OSBPL3: variants seen among roughly 807,000 people sequenced by gnomAD.
The protein encoded by OSBPL3 is oxysterol binding protein like 3.
OSBPL3 carries 65 observed loss-of-function variants against 120.1 expected under a neutral mutation model. The ratio of observed to expected loss-of-function variants is 0.54; its 90% confidence interval spans 0.44 to 0.67. The LOEUF (loss-of-function observed/expected upper bound fraction) is 0.67, where lower values mean the gene tolerates loss of function less well. OSBPL3 is among the 30% of genes least tolerant of loss of function. The pLI is 0.00. For synonymous variants in OSBPL3, 416 were observed against 402.6 expected (o/e 1.03, Z -0.40); for missense variants, 1,004 against 1,082.1 (o/e 0.93, Z 1.01).
intron 1 of OSBPL3, among the ~76,000 whole-genome samples, chr7:24,962,041 A>C (rs1196040532): frequency 6.6e-6 from 1 of 152,070 alleles, no homozygotes; most frequent in Non-Finnish European, 1.5e-5. Context: ...AGTGGCTCAC[A>C]CCTGTAATTC....
chr7:24,971,187 C>G (rs1816980699), intron 1 of OSBPL3, among the ~76,000 whole-genome samples: 1 of 152,238 alleles, frequency 6.6e-6, no homozygotes, highest in South Asian at 2.1e-4. Flanking sequence ...GGTCTCTAAT[C>G]AAGGGCTTGG....
At chr7:24,861,120 A>G (rs1800466615) in intron 10 of OSBPL3, among the ~76,000 whole-genome samples, 1 of 152,196 alleles carries the variant, frequency 6.6e-6, no homozygotes, top group Admixed American at 6.5e-5. Flanking sequence ...TGGCTCTTCT[A>G]ATAGGTGTGT....
Position 24,852,739 on chromosome 7 carries a change from C to T in OSBPL3, c.1028-105G>A. On this transcript the variant is annotated intron_variant, in intron 10 of 22. Coordinates refer to ENST00000313367, the MANE Select transcript of OSBPL3 (RefSeq NM_015550.4). This position sits in a 1 kb window ranked among gnomAD's most constrained non-coding sequence, Gnocchi z 4.1. Reference sequence around the variant, plus strand: ...AAAAGAAACAAGCAAAGTAACAGCCCTGAATATTTTGAGTATAGCAAATGT... The same window carrying T: ...AAAAGAAACAAGCAAAGTAACAGCCTTGAATATTTTGAGTATAGCAAATGT... 8 of 751,786 alleles carry T rather than the reference C, an allele frequency of 1.1e-5. No individual in the cohort carries two copies. The South Asian group carries it at 1.8e-4, about 17-fold the overall frequency. 46.6% of individuals were successfully genotyped at this position (751,786 alleles called of 1,614,324 possible).
At chr7:24,856,865 C>T (rs1001798545) in intron 10 of OSBPL3, among the ~76,000 whole-genome samples, 12 of 152,184 alleles carry the variant, frequency 7.9e-5, no homozygotes, top group Non-Finnish European at 1.3e-4. Flanking sequence ...CAGTTTCAAA[C>T]CTCACAGGAT....
chr7:24,852,600 C>CA lies in OSBPL3; in HGVS notation c.1061dup (p.Met354IlefsTer42). On this transcript the variant is annotated frameshift_variant, in exon 11 of 23. Coordinates refer to ENST00000313367, the MANE Select transcript of OSBPL3 (RefSeq NM_015550.4). LOFTEE classifies it high-confidence loss of function. The surrounding 1 kb of genome is among the most constrained non-coding windows in gnomAD (Gnocchi z 4.1). ...GCTTCAGTTTCTCTCTCTCCGCTGA[C>CA]ATGATATTAAAAGCTGACCTTAAAG... is the stretch of plus-strand genomic sequence containing the variant. 1.2e-6 allele frequency: 2 copies of CA among 1,606,834 alleles called. No homozygotes were observed. Among genetic ancestry groups the CA allele is most frequent in the Non-Finnish European group, 1.7e-6 (2 of 1,177,500 alleles).
Position 24,799,096 on chromosome 7 carries a change from A to C in OSBPL3, c.*1087T>G, listed in dbSNP as rs189836100. The C allele has an allele frequency of 2.6e-5, 4 of 152,816 alleles. No homozygotes were observed. The East Asian group carries it at 7.7e-4, about 29-fold the overall frequency. 9.5% of individuals were successfully genotyped at this position (152,816 alleles called of 1,614,324 possible). A position where few individuals can be genotyped will look rare whatever the true frequency, so the allele number is the denominator to read the frequency against. ...GCTTTACCAGAACACAACACAAAGC[A>C]AGAACATCAATTCTCTACATTTGTC... On this transcript the variant is annotated 3_prime_UTR_variant, in exon 23 of 23. Transcript: ENST00000313367. The surrounding 1 kb of genome is among the most constrained non-coding windows in gnomAD (Gnocchi z 5.3).
In OSBPL3 at chr7:24,959,242, A is replaced by C. The variant is rs1014381400; in HGVS notation, c.-150+20644T>G. Among the ~76,000 whole-genome samples, 1 of 152,074 alleles carries C rather than the reference A, an allele frequency of 6.6e-6. No individual in the cohort carries two copies. The highest frequency in any genetic ancestry group is 1.5e-5 in the Non-Finnish European group (1 of 67,986). ...ACTCCTTGGTATATACTCAATAAAA[A>C]CGCACACATTTGTTCACCAAAAGTT... On this transcript the variant is annotated intron_variant, in intron 1 of 22. Transcript: ENST00000313367. This position sits in a 1 kb window ranked among gnomAD's most constrained non-coding sequence, Gnocchi z 4.3.
chr7:24,975,342 G>C (rs376474797), intron 1 of OSBPL3, among the ~76,000 whole-genome samples: 5 of 152,084 alleles, frequency 3.3e-5, no homozygotes, highest in African/African-American at 7.2e-5. Flanking sequence ...CTGTTACTTC[G>C]ACATAAAATG....
intron 1 of OSBPL3, among the ~76,000 whole-genome samples, chr7:24,917,446 T>TTC (rs1809813131): frequency 8.2e-6 from 1 of 122,230 alleles, no homozygotes; most frequent in Non-Finnish European, 1.7e-5. Context: ...TATATATATA[T>TTC]ACACACACAT....
intron 1 of OSBPL3, among the ~76,000 whole-genome samples, chr7:24,945,767 T>C (rs561775582): frequency 6.6e-6 from 1 of 152,374 alleles, no homozygotes; most frequent in Admixed American, 6.5e-5. Flanking sequence ...TGATTGTTCG[T>C]TCATAAGAGG....
chr7:24,840,078 T>C (rs1444163819), intron 14 of OSBPL3, among the ~76,000 whole-genome samples: 1 of 143,268 alleles, frequency 7.0e-6, no homozygotes, highest in Non-Finnish European at 1.5e-5. Flanking sequence ...TTTATAAAAA[T>C]AAAAATTTGC....
chr7:24,809,743 T>C, intron 20 of OSBPL3, 64 bp downstream of exon 20: 1 of 1,523,416 alleles, frequency 6.6e-7, no homozygotes, highest in South Asian at 1.1e-5. Context: ...CCTCTGTGGC[T>C]TCTTGTGTCA....
chr7:24,878,357 G>A, intron 2 of OSBPL3, among the ~76,000 whole-genome samples: 1 of 152,314 alleles, frequency 6.6e-6, no homozygotes, highest in South Asian at 2.1e-4. Flanking sequence ...GAAAACGGGT[G>A]TCCTGATTAC....
chr7:24,819,549 T>C lies in OSBPL3; in HGVS notation c.1948+626A>G, dbSNP rs186529219. On this transcript the variant is annotated intron_variant, in intron 17 of 22. Transcript: ENST00000313367. This position sits in a 1 kb window ranked among gnomAD's most constrained non-coding sequence, Gnocchi z 4.1. ...AAGTTTAATAGACTGCGTGTGTGTG[T>C]GTGCCTGTGTGTGTAAAGGTAACGT... Among the ~76,000 whole-genome samples the C allele has an allele frequency of 2.6e-4, 40 of 152,324 alleles. No homozygotes were observed. Among genetic ancestry groups the C allele is most frequent in the Middle Eastern group, 3.4e-3 (1 of 294 alleles).
intron 1 of OSBPL3, among the ~76,000 whole-genome samples, chr7:24,895,875 A>AG (rs970856546): frequency 3.9e-5 from 6 of 152,232 alleles, no homozygotes; most frequent in African/African-American, 1.2e-4. Flanking sequence ...GGTATACTAA[A>AG]GTGCACAAAT....
intron 1 of OSBPL3, among the ~76,000 whole-genome samples, chr7:24,951,292 G>A (rs996291896): frequency 1.1e-4 from 17 of 152,212 alleles, no homozygotes; most frequent in South Asian, 2.1e-4. Context: ...AAATAAAAAT[G>A]CCTTTAAGTA....
chr7:24,902,040 T>C (rs779384021), intron 1 of OSBPL3, among the ~76,000 whole-genome samples: 1 of 152,246 alleles, frequency 6.6e-6, no homozygotes. Context: ...TAAGTTGCTT[T>C]AGGCAAGTTT....
At chr7:24,909,783 C>CTTTT (rs10591188) in intron 1 of OSBPL3, among the ~76,000 whole-genome samples, 869 of 77,138 alleles carry the variant, frequency 0.011, no homozygotes, top group East Asian at 0.017. Context: ...TTTTTTCTTT[C>CTTTT]TTTTTTTTTT....
chr7:24,800,581 C>G (rs1418558059), intron 22 of OSBPL3, among the ~76,000 whole-genome samples: 2 of 151,594 alleles, frequency 1.3e-5, no homozygotes, highest in Non-Finnish European at 2.9e-5. Context: ...CTCAGCCTCC[C>G]GAGTAGCTGG....
Sources: allele counts gnomAD v4.1 joint callset (sites outside exome capture counted in the v4.1 genomes callset), GRCh38; gene constraint gnomAD v4.1.1; non-coding constraint Gnocchi (gnomAD v3.1); transcripts MANE v1.5; gene names NCBI Gene and HGNC (gene_info 2026-07-23, HGNC 2026-07-21).